The following LRSAM1 variants were observed in gnomAD, a reference collection of about 807,000 sequenced individuals.
The protein encoded by LRSAM1 is E3 ubiquitin-protein ligase LRSAM1.
LRSAM1 carries 96 observed loss-of-function variants against 118.1 expected under a neutral mutation model. The ratio of observed to expected loss-of-function variants is 0.81; its 90% confidence interval spans 0.69 to 0.96. The LOEUF (loss-of-function observed/expected upper bound fraction) is 0.96, where lower values mean the gene tolerates loss of function less well. Among genes scored for constraint, LRSAM1 ranks in the 40% least tolerant of loss-of-function variants. The pLI is 0.00. For missense variants in LRSAM1, 804 were observed against 915.5 expected (o/e 0.88, Z 1.57); for synonymous variants, 322 against 364.2 (o/e 0.88, Z 1.32).
chr9:127,489,318 T>C, intron 18 of LRSAM1, 126 bp from the exon 19 acceptor site: 3 of 1,111,946 alleles, frequency 2.7e-6, no homozygotes, highest in Non-Finnish European at 3.9e-6. Flanking sequence ...TGAAATCTTC[T>C]CCCTCTCTCA....
rs2249649 is a variant in LRSAM1, at chr9:127,478,701, A to G, written c.751-233A>G. ...AACTGTCTTGAAGAGCCCCTCCTAC[A>G]GTGCCATGCACACAGTGACAGCCCA... On this transcript the variant is annotated intron_variant, in intron 11 of 25. Transcript: ENST00000300417. Among the ~76,000 whole-genome samples the G allele has an allele frequency of 0.75, 114,471 of 152,074 alleles. 43,410 individuals are homozygous for G. Among genetic ancestry groups the G allele is most frequent in the Non-Finnish European group, 0.79 (53,419 of 67,988 alleles).
chr9:127,500,008 C>A (rs1836316520), intron 24 of LRSAM1, among the ~76,000 whole-genome samples: 1 of 151,826 alleles, frequency 6.6e-6, no homozygotes, highest in Non-Finnish European at 1.5e-5. Context: ...GAACCGTGAT[C>A]AGGAAGGGAA....
intron 19 of LRSAM1, 34 bp from the exon 20 acceptor site, chr9:127,491,179 TGA>T (rs765516153): frequency 1.9e-6 from 3 of 1,562,048 alleles, no homozygotes; most frequent in African/African-American, 2.7e-5. Context: ...GTGGTTAATG[TGA>T]GTAAAAAAAA....
Position 127,457,333 on chromosome 9 carries a change from G to A in LRSAM1, c.192G>A (p.Thr64=), listed in dbSNP as rs778625125. The A allele has an allele frequency of 2.1e-5, 34 of 1,614,018 alleles. No homozygotes were observed. Among genetic ancestry groups the A allele is most frequent in the Middle Eastern group, 1.6e-4 (1 of 6,084 alleles). Residue 64 remains threonine (T), a synonymous_variant, in exon 6 of 26, where the codon ACG becomes ACA. Coordinates refer to ENST00000300417, the MANE Select transcript of LRSAM1 (RefSeq NM_001005373.4). ...VLQKKVLIVH[T]NHLTSLLPKS... ...CCACACAGGTGCTGATCGTCCACAC[G>A]AATCACCTCACTTCCCTGCTTCCCA...
At chr9:127,468,139 C>T (rs182429667) in intron 10 of LRSAM1, among the ~76,000 whole-genome samples, 6 of 152,272 alleles carry the variant, frequency 3.9e-5, no homozygotes, top group African/African-American at 1.4e-4. Flanking sequence ...GAAAGCTGTT[C>T]CGCCAGTAGG....
At chr9:127,484,921 C>T (rs940952766) in intron 16 of LRSAM1, among the ~76,000 whole-genome samples, 1 of 150,762 alleles carries the variant, frequency 6.6e-6, no homozygotes, top group African/African-American at 2.4e-5. Flanking sequence ...GATTCTCCTG[C>T]CTCAGACTCC....
At chr9:127,472,655 TAAATAA>T (rs1045891650) in intron 10 of LRSAM1, among the ~76,000 whole-genome samples, 1 of 151,874 alleles carries the variant, frequency 6.6e-6, no homozygotes, top group African/African-American at 2.4e-5. Context: ...AATAAATAAA[TAAATAA>T]AAATAAAAAT....
chr9:127,494,983 C>T (rs960486840), intron 21 of LRSAM1, among the ~76,000 whole-genome samples: 1 of 152,182 alleles, frequency 6.6e-6, no homozygotes, highest in African/African-American at 2.4e-5. Flanking sequence ...CGGAGTTTCG[C>T]TCTTGTTGCC....
chr9:127,455,571 C>T lies in LRSAM1; in HGVS notation c.130-5C>T. On this transcript the variant is annotated splice_region_variant and splice_polypyrimidine_tract_variant and intron_variant, in intron 4 of 25. Transcript: ENST00000300417. ...AGACACTTACTCTTCTTTATCTTAT[C>T]TTAGATTCCATTTGGAGCTTTTGCA... 2 of 1,614,140 alleles carry T rather than the reference C, an allele frequency of 1.2e-6. No individual in the cohort carries two copies. Among genetic ancestry groups the T allele is most frequent in the Non-Finnish European group, 1.7e-6 (2 of 1,179,984 alleles).
intron 15 of LRSAM1, among the ~76,000 whole-genome samples, chr9:127,482,077 A>C (rs1469965785): frequency 1.3e-5 from 2 of 152,170 alleles, no homozygotes; most frequent in African/African-American, 4.8e-5. Context: ...ATTAAGGGAA[A>C]ACATAACATA....
chr9:127,452,798 G>A (rs1042092197), intron 2 of LRSAM1, among the ~76,000 whole-genome samples: 2 of 152,204 alleles, frequency 1.3e-5, no homozygotes, highest in Non-Finnish European at 2.9e-5. Flanking sequence ...CCCAAAGCCT[G>A]TGCTGCTCAC....
At chr9:127,468,423 G>T (rs191039161) in intron 10 of LRSAM1, among the ~76,000 whole-genome samples, 120 of 152,314 alleles carry the variant, frequency 7.9e-4, no homozygotes, top group Non-Finnish European at 1.5e-3. Flanking sequence ...GCCAGCACTG[G>T]CTGGAGGCGG....
At chr9:127,485,418 G>A (rs190829661) in intron 16 of LRSAM1, among the ~76,000 whole-genome samples, 25 of 151,988 alleles carry the variant, frequency 1.6e-4, no homozygotes, top group African/African-American at 3.6e-4. Flanking sequence ...TTAGGCGGGC[G>A]TGGTGGCAGG....
At chr9:127,472,102 C>T (rs1223366955) in intron 10 of LRSAM1, among the ~76,000 whole-genome samples, 2 of 149,486 alleles carry the variant, frequency 1.3e-5, no homozygotes, top group Admixed American at 6.7e-5. Context: ...GCTGGGATTA[C>T]AGGCGCCCAC....
At chr9:127,500,471 T>C (rs1836343459) in intron 24 of LRSAM1, among the ~76,000 whole-genome samples, 2 of 151,780 alleles carry the variant, frequency 1.3e-5, no homozygotes, top group Admixed American at 6.6e-5. Context: ...TCTGTGGGGC[T>C]GGGGGCAGGG....
At chr9:127,489,697 T>C (rs1033424770) in intron 19 of LRSAM1, among the ~76,000 whole-genome samples, 179 bp downstream of exon 19, 1 of 152,196 alleles carries the variant, frequency 6.6e-6, no homozygotes, top group Non-Finnish European at 1.5e-5. Context: ...GTGTCGGGGC[T>C]GCTGGGAGGG....
intron 6 of LRSAM1, among the ~76,000 whole-genome samples, chr9:127,458,640 G>A (rs1324584722): frequency 6.6e-6 from 1 of 151,976 alleles, no homozygotes; most frequent in Non-Finnish European, 1.5e-5. Context: ...TAAGCAAAGG[G>A]GGAAACATCT....
At chr9:127,502,166 C>T (rs1216275150) in intron 25 of LRSAM1, among the ~76,000 whole-genome samples, 3 of 152,226 alleles carry the variant, frequency 2.0e-5, no homozygotes, top group East Asian at 3.8e-4. Context: ...AATAGGCCTC[C>T]GTCGCCTGTC....
chr9:127,500,351 A>ACT (rs10625871), intron 24 of LRSAM1, among the ~76,000 whole-genome samples: 71,268 of 117,936 alleles, frequency 0.6, 23,065 homozygotes, highest in Non-Finnish European at 0.64. Context: ...ACAGAGCGAG[A>ACT]CTGTCTCAAA....
Sources: allele counts gnomAD v4.1 joint callset (sites outside exome capture counted in the v4.1 genomes callset), GRCh38; gene constraint gnomAD v4.1.1; transcripts MANE v1.5; gene names NCBI Gene and HGNC (gene_info 2026-07-23, HGNC 2026-07-21).